The following GRM8 variants were observed in gnomAD, a reference collection of about 807,000 sequenced individuals.
GRM8 encodes the protein metabotropic glutamate receptor 8.
Under a neutral mutation model 87.2 loss-of-function variants are expected in GRM8, and 47 were observed. That is an observed-to-expected ratio of 0.54 (90% CI 0.43 to 0.69). GRM8 has a LOEUF of 0.69. GRM8 is among the 30% of genes least tolerant of loss of function. GRM8 has a pLI of 0.00. For missense variants in GRM8, 1,019 were observed against 1,139.2 expected, an observed-to-expected ratio of 0.89 and a Z score of 1.52; for synonymous variants, 396 against 404.5, an observed-to-expected ratio of 0.98 and a Z score of 0.25.
chr7:126,498,804 A>T (rs1391050304), intron 9 of GRM8, among the ~76,000 whole-genome samples: 1 of 151,964 alleles, frequency 6.6e-6, no homozygotes, highest in Non-Finnish European at 1.5e-5. Flanking sequence ...TCAAATTAGG[A>T]CTTTCATTAT....
At chr7:127,061,030 T>G (rs984957965) in intron 3 of GRM8, among the ~76,000 whole-genome samples, 5 of 152,200 alleles carry the variant, frequency 3.3e-5, no homozygotes, top group African/African-American at 1.2e-4. Flanking sequence ...TGCCTCCATG[T>G]TGCACACCTA....
intron 7 of GRM8, among the ~76,000 whole-genome samples, chr7:126,674,005 A>G (rs1806677316): frequency 6.6e-6 from 1 of 152,186 alleles, no homozygotes; most frequent in Admixed American, 6.5e-5. Context: ...CTATTAACTG[A>G]TTCAGTACAA....
chr7:126,801,534 C>T (rs114116102), intron 6 of GRM8, among the ~76,000 whole-genome samples: 2,224 of 65,262 alleles, frequency 0.034, 16 homozygotes, highest in South Asian at 0.053. Flanking sequence ...GCAGAGGGCA[C>T]CAAAATAGTA....
chr7:126,505,620 G>T (rs757319557), intron 9 of GRM8, among the ~76,000 whole-genome samples: 33 of 152,060 alleles, frequency 2.2e-4, no homozygotes, highest in Non-Finnish European at 4.4e-4. Context: ...GGTCCAGTCT[G>T]CCCTTTCTAG....
chr7:127,093,196 A>G lies in GRM8; in HGVS notation c.727+13300T>C, dbSNP rs538875704. On this transcript the variant is annotated intron_variant, in intron 3 of 10. Coordinates refer to ENST00000339582, the MANE Select transcript of GRM8 (RefSeq NM_000845.3). ...GGCAAAATTCCTGTAGCCTAGAGAG[A>G]TCTGAGACTACAAGGACATGAAAAA... Among the ~76,000 whole-genome samples the G allele has an allele frequency of 7.2e-5, 11 of 152,324 alleles. No homozygotes were observed. In the South Asian group the frequency reaches 2.3e-3, roughly 32 times the overall value.
At chr7:126,673,884 A>G (rs1412952344) in intron 7 of GRM8, among the ~76,000 whole-genome samples, 1 of 152,180 alleles carries the variant, frequency 6.6e-6, no homozygotes, top group African/African-American at 2.4e-5. Context: ...GAAGTATTAC[A>G]TATTATTAAT....
intron 6 of GRM8, among the ~76,000 whole-genome samples, chr7:126,867,471 T>C (rs557668545): frequency 6.6e-6 from 1 of 152,186 alleles, no homozygotes; most frequent in Non-Finnish European, 1.5e-5. Flanking sequence ...TTCTGGAAAT[T>C]GATGTCAATA....
chr7:126,884,030 A>C (rs1362824777), intron 6 of GRM8, among the ~76,000 whole-genome samples: 2 of 152,208 alleles, frequency 1.3e-5, no homozygotes, highest in Non-Finnish European at 2.9e-5. Context: ...ATTCAGATCT[A>C]TCTGTCATAA....
chr7:126,641,249 C>T (rs1302505922), intron 7 of GRM8, among the ~76,000 whole-genome samples: 1 of 152,120 alleles, frequency 6.6e-6, no homozygotes, highest in African/African-American at 2.4e-5. Flanking sequence ...TCAATAAAAT[C>T]TTTTAAACTG....
At chr7:126,824,301 C>T (rs1563221141) in intron 6 of GRM8, among the ~76,000 whole-genome samples, 1 of 151,614 alleles carries the variant, frequency 6.6e-6, no homozygotes, top group Non-Finnish European at 1.5e-5. Flanking sequence ...CATTGTGTCA[C>T]AAAAAAAGTA....
rs544168683 is a variant in GRM8, at chr7:127,120,500, C to T, written c.511-13788G>A. Among the ~76,000 whole-genome samples, 4 of 152,282 alleles carry T rather than the reference C, an allele frequency of 2.6e-5. No individual in the cohort carries two copies. The South Asian group carries it at 6.2e-4, about 24-fold the overall frequency. ...TAGAAATGTAGAATTTCAGGCCCCACCCCAGACCTACTGAATGAGACTTTG... is the reference window on the plus strand; with the variant it reads ...TAGAAATGTAGAATTTCAGGCCCCATCCCAGACCTACTGAATGAGACTTTG... On this transcript the variant is annotated intron_variant, in intron 2 of 10. Transcript: ENST00000339582.
At chr7:127,218,885 C>T (rs182098785) in intron 2 of GRM8, among the ~76,000 whole-genome samples, 218 of 152,332 alleles carry the variant, frequency 1.4e-3, no homozygotes, top group African/African-American at 4.8e-3. Flanking sequence ...TCTTTCATGC[C>T]TCCTAATGGT....
chr7:127,197,753 A>T (rs1795363991), intron 2 of GRM8, among the ~76,000 whole-genome samples: 1 of 152,210 alleles, frequency 6.6e-6, no homozygotes, highest in African/African-American at 2.4e-5. Context: ...TAGATTAGGC[A>T]TAAGGTAAAA....
At chr7:126,692,508 T>C (rs1282685530) in intron 7 of GRM8, among the ~76,000 whole-genome samples, 1 of 152,212 alleles carries the variant, frequency 6.6e-6, no homozygotes, top group Non-Finnish European at 1.5e-5. Flanking sequence ...GAGGGGACTA[T>C]CTTCAGGACA....
At chr7:127,042,368 C>A (rs1056125642) in intron 3 of GRM8, among the ~76,000 whole-genome samples, 1 of 152,130 alleles carries the variant, frequency 6.6e-6, no homozygotes, top group African/African-American at 2.4e-5. Context: ...ATGGCAGGTG[C>A]CAAGGCACAG....
rs573458895 is a variant in GRM8, at chr7:126,486,748, C to A, written c.2431-40376G>T. On this transcript the variant is annotated intron_variant, in intron 9 of 10. Transcript: ENST00000339582. Reference sequence around the variant, plus strand: ...ATTTATTTATAATAACAAAGGTAAGCCCATTATATGTTTAACAAGGAATAC... The same window carrying A: ...ATTTATTTATAATAACAAAGGTAAGACCATTATATGTTTAACAAGGAATAC... 2.2e-4 allele frequency among the ~76,000 whole-genome samples: 33 copies of A among 151,988 alleles called. No individual in the cohort carries two copies. In the South Asian group the frequency reaches 6.2e-3, roughly 29 times the overall value.
chr7:127,053,806 G>GGA (rs1819720385), intron 3 of GRM8, among the ~76,000 whole-genome samples: 1 of 132,340 alleles, frequency 7.6e-6, no homozygotes, highest in Admixed American at 7.4e-5. Context: ...AAAGGGGGGG[G>GGA]GGAATATACA....
At chr7:126,597,094 T>C (rs1460856919) in intron 8 of GRM8, among the ~76,000 whole-genome samples, 2 of 152,142 alleles carry the variant, frequency 1.3e-5, no homozygotes, top group African/African-American at 4.8e-5. Context: ...CCTGAGATTA[T>C]ACACAATTGC....
In GRM8 at chr7:126,521,926, C is replaced by A. The variant is rs544362602; in HGVS notation, c.2430+11026G>T. Reference sequence around the variant, plus strand: ...TCAAAATCATAATCTACCAGATACTCATGCTGTGTATCTTTACTTTTGCTT... The same window carrying A: ...TCAAAATCATAATCTACCAGATACTAATGCTGTGTATCTTTACTTTTGCTT... On this transcript the variant is annotated intron_variant, in intron 9 of 10. Transcript: ENST00000339582. 2.1e-4 allele frequency among the ~76,000 whole-genome samples: 32 copies of A among 152,248 alleles called. No homozygotes were observed. The South Asian group carries it at 6.2e-3, about 30-fold the overall frequency.
Sources: gnomAD v4.1 joint callset for allele counts (sites outside exome capture counted in the v4.1 genomes callset) on GRCh38, gnomAD v4.1.1 for gene constraint, MANE v1.5 for transcripts, NCBI Gene and HGNC (gene_info 2026-07-23, HGNC 2026-07-21) for gene names.